IQCM: variants seen among roughly 807,000 people sequenced by gnomAD.
IQCM encodes IQ domain-containing protein M.
In IQCM, 45 loss-of-function variants were observed where a neutral mutation model predicts 57.6. The ratio of observed to expected loss-of-function variants is 0.78; its 90% CI spans 0.62 to 1.00. IQCM has a LOEUF of 1.00. Ranked by LOEUF, IQCM falls within the 50% of genes least tolerant of loss-of-function variation. IQCM has a pLI of 0.00. For synonymous variants in IQCM, 148 were observed against 158.9 expected (o/e 0.93, Z 0.51); for missense variants, 468 against 511.6 (o/e 0.91, Z 0.82).
chr4:149,689,351 T>C (rs1313318299), intron 5 of IQCM, among the ~76,000 whole-genome samples: 5 of 151,142 alleles, frequency 3.3e-5, no homozygotes, highest in Non-Finnish European at 7.4e-5. Context: ...TAAGTGGGAG[T>C]TGAACAATAA....
intron 7 of IQCM, among the ~76,000 whole-genome samples, chr4:149,641,613 G>A (rs1369554153): frequency 1.3e-5 from 2 of 152,044 alleles, no homozygotes; most frequent in African/African-American, 4.8e-5. Context: ...TCACTTAAAT[G>A]TTTTTTCAAT....
chr4:149,399,017 G>A (rs539122602), intron 13 of IQCM, among the ~76,000 whole-genome samples: 2 of 152,176 alleles, frequency 1.3e-5, no homozygotes, highest in East Asian at 1.9e-4. Flanking sequence ...TTACAAGCAT[G>A]AGCAACCGTG....
chr4:149,492,678 C>A (rs1742220794), intron 12 of IQCM, among the ~76,000 whole-genome samples: 1 of 151,994 alleles, frequency 6.6e-6, no homozygotes, highest in Non-Finnish European at 1.5e-5. Flanking sequence ...TAACTCTGGC[C>A]CCAAGATTAC....
chr4:149,393,812 T>C (rs2111097480), intron 13 of IQCM, among the ~76,000 whole-genome samples: 1 of 152,122 alleles, frequency 6.6e-6, no homozygotes, highest in Admixed American at 6.6e-5. Context: ...AATTACTTAT[T>C]ATCAACAGCT....
At chr4:149,376,602 G>A (rs1394431915) in intron 13 of IQCM, among the ~76,000 whole-genome samples, 1 of 152,100 alleles carries the variant, frequency 6.6e-6, no homozygotes, top group African/African-American at 2.4e-5. Context: ...GGGATCATCC[G>A]AAACTGTTGA....
At chr4:149,511,723 C>T (rs987668961) in intron 12 of IQCM, among the ~76,000 whole-genome samples, 1 of 152,082 alleles carries the variant, frequency 6.6e-6, no homozygotes, top group African/African-American at 2.4e-5. Flanking sequence ...CTACACATTA[C>T]AGCAGAGCAG....
chr4:149,778,863 G>A (rs544090763), intron 2 of IQCM, among the ~76,000 whole-genome samples: 4 of 152,020 alleles, frequency 2.6e-5, no homozygotes, highest in South Asian at 2.1e-4. Flanking sequence ...TAACACTCTC[G>A]AAAAAGAAAT....
At chr4:149,798,623 A>C (rs1392595091) in intron 2 of IQCM, among the ~76,000 whole-genome samples, 1 of 152,066 alleles carries the variant, frequency 6.6e-6, no homozygotes, top group Non-Finnish European at 1.5e-5. Flanking sequence ...GTAAAAACAC[A>C]CATAGACTGA....
In IQCM at chr4:149,532,510, T is replaced by TA. The variant is rs1491246778; in HGVS notation, c.1228+15944_1228+15945insT. Among the ~76,000 whole-genome samples the TA allele has an allele frequency of 7.0e-5, 9 of 128,670 alleles. No individual in the cohort carries two copies. In the East Asian group the frequency reaches 2.1e-3, roughly 30 times the overall value. 84.4% of individuals were successfully genotyped at this position (128,670 alleles called of 152,430 possible). Reference sequence around the variant, plus strand: ...ATGCTTTTTCTGAAGGATAATTATCTTTTTTTTTTTTTTTTTGTCCCAAGA... The same window carrying TA: ...ATGCTTTTTCTGAAGGATAATTATCTATTTTTTTTTTTTTTTTGTCCCAAGA... On this transcript the variant is annotated intron_variant, in intron 12 of 13. Transcript: ENST00000636793.
At chr4:149,544,229 G>A (rs776488150) in intron 12 of IQCM, among the ~76,000 whole-genome samples, 1 of 151,960 alleles carries the variant, frequency 6.6e-6, no homozygotes, top group East Asian at 1.9e-4. Flanking sequence ...AGAAAGAAAA[G>A]CTAACAAACA....
chr4:149,648,950 G>A (rs554825042), intron 7 of IQCM, among the ~76,000 whole-genome samples: 16 of 152,012 alleles, frequency 1.1e-4, no homozygotes, highest in South Asian at 1.0e-3. Context: ...AATAATTTGC[G>A]TAAATTACCT....
At chr4:149,489,134 A>C (rs1345365074) in intron 12 of IQCM, among the ~76,000 whole-genome samples, 1 of 152,138 alleles carries the variant, frequency 6.6e-6, no homozygotes, top group Non-Finnish European at 1.5e-5. Context: ...AAATAGGCAT[A>C]GTAACATAAT....
At chr4:149,373,419 T>C (rs1220696689) in intron 13 of IQCM, among the ~76,000 whole-genome samples, 1 of 152,142 alleles carries the variant, frequency 6.6e-6, no homozygotes, top group Non-Finnish European at 1.5e-5. Context: ...TTTTCTCATT[T>C]AACCTTGACA....
chr4:149,727,910 G>GTTGGGAAGAGA (rs1766098418), intron 5 of IQCM, among the ~76,000 whole-genome samples: 2 of 152,218 alleles, frequency 1.3e-5, no homozygotes, highest in Non-Finnish European at 2.9e-5. Flanking sequence ...AGAGCTGACT[G>GTTGGGAAGAGA]TGTACATCTC....
At chr4:149,548,370 A>G in intron 12 of IQCM, 85 bp downstream of exon 12, 1 of 1,093,962 alleles carries the variant, frequency 9.1e-7, no homozygotes, top group South Asian at 4.7e-5. Flanking sequence ...AGAAAGGAAG[A>G]GAACAACTAA....
At chr4:149,449,377 A>G (rs1288812992) in intron 12 of IQCM, among the ~76,000 whole-genome samples, 2 of 146,038 alleles carry the variant, frequency 1.4e-5, no homozygotes, top group Non-Finnish European at 3.0e-5. Flanking sequence ...TATATTATAT[A>G]TTATATATAT....
chr4:149,376,670 T>G (rs1196811858), intron 13 of IQCM, among the ~76,000 whole-genome samples: 1 of 152,280 alleles, frequency 6.6e-6, no homozygotes, highest in African/African-American at 2.4e-5. Flanking sequence ...TTTATGACTC[T>G]AACATGAAAC....
chr4:149,671,683 G>T (rs1761301058), intron 7 of IQCM, among the ~76,000 whole-genome samples: 1 of 152,064 alleles, frequency 6.6e-6, no homozygotes, highest in Non-Finnish European at 1.5e-5. Context: ...TTGTGTCTTT[G>T]TTCTCATTGG....
intron 13 of IQCM, among the ~76,000 whole-genome samples, chr4:149,369,036 G>GTATATATATATATATATACACACGTGTA (rs1169870573): frequency 3.3e-5 from 2 of 60,626 alleles, no homozygotes; most frequent in Non-Finnish European, 3.5e-5. Context: ...ATATACATGT[G>GTATATATATATATATATACACACGTGTA]TATATATATA....
Sources: gnomAD v4.1 joint callset for allele counts (sites outside exome capture counted in the v4.1 genomes callset) on GRCh38, gnomAD v4.1.1 for gene constraint, MANE v1.5 for transcripts, NCBI Gene and HGNC (gene_info 2026-07-23, HGNC 2026-07-21) for gene names.